XXYLT1: variants seen among roughly 807,000 people sequenced by gnomAD.
XXYLT1 encodes UDP-xylose:alpha-xyloside alpha-1,3-xylosyltransferase.
Under a neutral mutation model 28.9 loss-of-function variants are expected in XXYLT1, and 20 were observed. That is an observed-to-expected ratio of 0.69 (90% CI 0.49 to 1.00). The LOEUF is 1.00. Ranked by LOEUF, XXYLT1 falls within the 50% of genes least tolerant of loss-of-function variation. XXYLT1 has a pLI of 0.00. For synonymous variants in XXYLT1, 257 were observed against 253.8 expected, an observed-to-expected ratio of 1.01 and a Z score of -0.12; for missense variants, 542 against 560.1, an observed-to-expected ratio of 0.97 and a Z score of 0.33.
At chr3:195,134,873 G>GCA (rs1560112579) in intron 3 of XXYLT1, among the ~76,000 whole-genome samples, 72 of 83,216 alleles carry the variant, frequency 8.7e-4, no homozygotes, top group African/African-American at 3.2e-3. Flanking sequence ...GTGTGTGCGT[G>GCA]TGCGCGCGTG....
intron 1 of XXYLT1, among the ~76,000 whole-genome samples, chr3:195,227,498 T>C (rs540957568): frequency 6.6e-6 from 1 of 152,248 alleles, no homozygotes; most frequent in African/African-American, 2.4e-5. Flanking sequence ...AATAACCAGG[T>C]ACACTTTCCT....
At chr3:195,218,569 C>T (rs1409892434) in intron 2 of XXYLT1, among the ~76,000 whole-genome samples, 7 of 151,888 alleles carry the variant, frequency 4.6e-5, no homozygotes, top group African/African-American at 1.7e-4. Context: ...AAAAAATGCT[C>T]ATCATCACTG....
chr3:195,106,074 C>T (rs1189130333), intron 3 of XXYLT1, among the ~76,000 whole-genome samples: 4 of 152,166 alleles, frequency 2.6e-5, no homozygotes, highest in Admixed American at 1.3e-4. Context: ...TTAAATTAAA[C>T]GTGGTCTCTT....
intron 1 of XXYLT1, among the ~76,000 whole-genome samples, chr3:195,248,762 A>G (rs1725136679): frequency 6.6e-6 from 1 of 152,146 alleles, no homozygotes; most frequent in Non-Finnish European, 1.5e-5. Context: ...TACTAAGAAA[A>G]TACAAAAATT....
intron 3 of XXYLT1, among the ~76,000 whole-genome samples, chr3:195,101,330 A>G (rs1716760539): frequency 6.6e-6 from 1 of 152,232 alleles, no homozygotes; most frequent in Non-Finnish European, 1.5e-5. Context: ...AATCTCTTAA[A>G]TCACATTAGG....
At chr3:195,190,502 A>G (rs1722374232) in intron 2 of XXYLT1, among the ~76,000 whole-genome samples, 1 of 151,136 alleles carries the variant, frequency 6.6e-6, no homozygotes, top group Non-Finnish European at 1.5e-5. Flanking sequence ...TCAAAAAAAA[A>G]AAAAAAAAAA....
At chr3:195,175,102 G>A (rs1269441006) in intron 2 of XXYLT1, among the ~76,000 whole-genome samples, 2 of 152,214 alleles carry the variant, frequency 1.3e-5, no homozygotes, top group African/African-American at 4.8e-5. Context: ...GAAACTTAGA[G>A]CAACGATGAA....
chr3:195,200,417 C>A (rs980468490), intron 2 of XXYLT1, among the ~76,000 whole-genome samples: 17 of 152,220 alleles, frequency 1.1e-4, no homozygotes, highest in Non-Finnish European at 2.2e-4. Context: ...AGTGGGTTCA[C>A]TGGTAATAAT....
intron 2 of XXYLT1, among the ~76,000 whole-genome samples, chr3:195,164,155 G>C (rs1181608786): frequency 6.6e-6 from 1 of 152,256 alleles, no homozygotes; most frequent in Non-Finnish European, 1.5e-5. Context: ...CAGAAGGCAA[G>C]AAGTAACTAC....
chr3:195,123,941 CAT>C (rs1369677437), intron 3 of XXYLT1, among the ~76,000 whole-genome samples: 85 of 152,318 alleles, frequency 5.6e-4, no homozygotes, highest in African/African-American at 1.9e-3. Flanking sequence ...AAACAGGTAT[CAT>C]GTGAACAAAG....
intron 3 of XXYLT1, among the ~76,000 whole-genome samples, chr3:195,134,033 G>A (rs78396790): frequency 0.034 from 5,193 of 152,132 alleles, 167 homozygotes; most frequent in East Asian, 0.15. Flanking sequence ...GCAATATAGT[G>A]AGACCCCTGC....
intron 3 of XXYLT1, among the ~76,000 whole-genome samples, chr3:195,130,715 T>C (rs1017543087): frequency 4.6e-5 from 7 of 152,128 alleles, no homozygotes; most frequent in African/African-American, 1.2e-4. Flanking sequence ...ACAGGCAATC[T>C]GGAGGGGCTG....
intron 3 of XXYLT1, among the ~76,000 whole-genome samples, chr3:195,084,332 C>G (rs1715606933): frequency 6.6e-6 from 1 of 152,064 alleles, no homozygotes; most frequent in Admixed American, 6.5e-5. Flanking sequence ...CCCAGGGATA[C>G]TTAGAGGCAG....
At chr3:195,084,396 A>C (rs1282125355) in intron 3 of XXYLT1, among the ~76,000 whole-genome samples, 1 of 152,074 alleles carries the variant, frequency 6.6e-6, no homozygotes, top group African/African-American at 2.4e-5. Context: ...TTCTCGCTGA[A>C]AAAAACCTAT....
At position 195,156,449 on chromosome 3, in the gene XXYLT1, C is replaced by T; in HGVS notation, c.785G>A (p.Arg262Lys). ...GIAREMQPVY[R>K]HTFWQFRHEN... ...CGGCCCCCCTGCAGTCATGACGCAC[C>T]TGTAAACTGGCTGCATCTCCCGGGC... Residue 262 changes from arginine to lysine, a missense_variant and splice_region_variant, in exon 3 of 4, where the codon AGG becomes AAG. Transcript: ENST00000310380. The T allele has an allele frequency of 6.2e-7, 1 of 1,613,734 alleles. No individual in the cohort carries two copies.
chr3:195,102,401 C>T (rs1209081558), intron 3 of XXYLT1, among the ~76,000 whole-genome samples: 4 of 152,198 alleles, frequency 2.6e-5, no homozygotes, highest in African/African-American at 4.8e-5. Flanking sequence ...ACGTCTGCTA[C>T]GCTGTATCCC....
At chr3:195,247,350 G>A (rs1394247848) in intron 1 of XXYLT1, among the ~76,000 whole-genome samples, 4 of 152,148 alleles carry the variant, frequency 2.6e-5, no homozygotes, top group Non-Finnish European at 4.4e-5. Context: ...TCCTTTTTTC[G>A]TGTGGGAACC....
At chr3:195,200,522 C>T (rs1199494177) in intron 2 of XXYLT1, among the ~76,000 whole-genome samples, 1 of 152,214 alleles carries the variant, frequency 6.6e-6, no homozygotes, top group African/African-American at 2.4e-5. Flanking sequence ...AGACATGCAA[C>T]AGGACATAGC....
intron 3 of XXYLT1, chr3:195,093,850 C>A (rs1420117284): frequency 6.6e-6 from 1 of 152,272 alleles, no homozygotes; most frequent in African/African-American, 2.4e-5. Context: ...CTTCTCCCCA[C>A]AGCTGTTCAG....
Sources: gnomAD v4.1 joint callset for allele counts (sites outside exome capture counted in the v4.1 genomes callset) on GRCh38, gnomAD v4.1.1 for gene constraint, MANE v1.5 for transcripts, NCBI Gene and HGNC (gene_info 2026-07-23, HGNC 2026-07-21) for gene names.